Variants in ARHGEF4 observed in about 807,000 individuals in gnomAD.
ARHGEF4 encodes APC-stimulated guanine nucleotide exchange factor 1.
In ARHGEF4, 119 loss-of-function variants were observed where a neutral mutation model predicts 162.0. That is an observed-to-expected ratio of 0.73 (90% confidence interval 0.63 to 0.86). The LOEUF is 0.86. Ranked by LOEUF, ARHGEF4 falls within the 40% of genes least tolerant of loss-of-function variation. The pLI, the probability that ARHGEF4 is intolerant of heterozygous loss-of-function variation, is 0.00. For missense variants in ARHGEF4, 2,488 were observed against 2,456.0 expected (o/e 1.01, Z -0.28); for synonymous variants, 1,014 against 979.9 (o/e 1.03, Z -0.65).
chr2:130,989,670 G>T (rs1686808957), intron 4 of ARHGEF4, among the ~76,000 whole-genome samples: 1 of 152,182 alleles, frequency 6.6e-6, no homozygotes, highest in South Asian at 2.1e-4. Flanking sequence ...TGTGCATTTA[G>T]TCATAGCTGG....
Position 130,931,132 on chromosome 2 carries a change from C to T in ARHGEF4, c.3733C>T (p.Pro1245Ser). 1 of 1,614,152 alleles carries T rather than the reference C, an allele frequency of 6.2e-7. No individual in the cohort carries two copies. The highest frequency in any genetic ancestry group is 8.5e-7 in the Non-Finnish European group (1 of 1,180,018). Reference sequence around the variant, plus strand: ...GGCTCCTTCACAGCCTAGGGGCATCCCTCACCGCTCGCCCGTCAGTGTGGA... The same window carrying T: ...GGCTCCTTCACAGCCTAGGGGCATCTCTCACCGCTCGCCCGTCAGTGTGGA... ...GEAPSQPRGI[P>S]HRSPVSVDDL... is the part of the protein sequence containing the mutation. The change falls in exon 3 of 14, where the codon CCT (proline) becomes TCT (serine). Residue 1245 changes from proline (P) to serine (S), a missense_variant. Pro to Ser is a moderately conservative substitution (Grantham distance 74). This residue lies in a region of ARHGEF4 where 1,642 missense variants were observed against 1,481.5 expected (regional missense o/e 1.11). Coordinates refer to ENST00000409359, the MANE Select transcript of ARHGEF4 (RefSeq NM_001367493.1).
chr2:130,978,608 G>C (rs1685909655), intron 4 of ARHGEF4, among the ~76,000 whole-genome samples: 1 of 152,160 alleles, frequency 6.6e-6, no homozygotes, highest in Non-Finnish European at 1.5e-5. Flanking sequence ...TTTGTGCAAA[G>C]AATTACACAT....
At chr2:130,854,310 A>G (rs1185596905) in intron 1 of ARHGEF4, among the ~76,000 whole-genome samples, 1 of 152,122 alleles carries the variant, frequency 6.6e-6, no homozygotes, top group East Asian at 1.9e-4. Context: ...AGGACAAATA[A>G]CACACATTTA....
chr2:130,974,609 C>G (rs2105230260), intron 4 of ARHGEF4, among the ~76,000 whole-genome samples: 2 of 117,046 alleles, frequency 1.7e-5, no homozygotes, highest in East Asian at 2.9e-4. Context: ...CGCCACCACA[C>G]CCAGCTATTT....
rs1408955658 is a variant in ARHGEF4 at position 130,914,552 on chromosome 2, T to C, written c.606T>C (p.Val202=). Residue 202 remains valine, a synonymous_variant, in exon 2 of 14, where the codon GTT becomes GTC. Transcript: ENST00000409359. ...CTGAGCCAGTACAGGGGGTGGCTGT[T>C]CAAGACCTCAGAGGGCTCTCCAGTG... ...SGPEPVQGVA[V]QDLRGLSSVS... 60 of 1,409,384 alleles carry C rather than the reference T, an allele frequency of 4.3e-5. No homozygotes were observed. The highest frequency in any genetic ancestry group is 5.1e-5 in the Non-Finnish European group (56 of 1,088,002). 87.3% of individuals were successfully genotyped at this position (1,409,384 alleles called of 1,614,324 possible).
At chr2:131,011,580 C>G in intron 4 of ARHGEF4, 1 of 1,501,000 alleles carries the variant, frequency 6.7e-7, no homozygotes, top group Non-Finnish European at 8.9e-7. Flanking sequence ...CTTTGGACAG[C>G]ATTTCATGCT....
chr2:131,039,035 A>G lies in ARHGEF4; in HGVS notation c.4305+3A>G. On this transcript the variant is annotated splice_donor_region_variant and intron_variant, in intron 6 of 13. Transcript: ENST00000409359. ...GGTTTCCAGCCAGCTTCGTTCGGGTATGGTTCCAAGCCCCAGCTTCTCCCA... is the reference window on the plus strand; with the variant it reads ...GGTTTCCAGCCAGCTTCGTTCGGGTGTGGTTCCAAGCCCCAGCTTCTCCCA... 6.2e-7 allele frequency: 1 copy of G among 1,608,522 alleles called. No homozygotes were observed. The highest frequency in any genetic ancestry group is 2.2e-5 in the East Asian group (1 of 44,760).
chr2:130,967,331 G>T (rs1408544464), intron 4 of ARHGEF4, among the ~76,000 whole-genome samples: 4 of 152,108 alleles, frequency 2.6e-5, no homozygotes, highest in Non-Finnish European at 5.9e-5. Flanking sequence ...TTTCTGCCCC[G>T]CTGTTCTCAT....
intron 1 of ARHGEF4, among the ~76,000 whole-genome samples, chr2:130,880,709 AT>A (rs1241494608): frequency 6.6e-6 from 1 of 152,028 alleles, no homozygotes; most frequent in Non-Finnish European, 1.5e-5. Context: ...TAATTTTTAA[AT>A]TTTTTGTGGA....
rs899845341 is a variant in ARHGEF4, at chr2:130,915,193, A to G, written c.1247A>G (p.Gln416Arg). 36 of 1,550,482 alleles carry G rather than the reference A, an allele frequency of 2.3e-5. No homozygotes were observed. Among genetic ancestry groups the G allele is most frequent in the Non-Finnish European group, 3.1e-5 (35 of 1,146,998 alleles). The change falls in exon 2 of 14, where the codon CAG becomes CGG. Residue 416 changes from glutamine (Q) to arginine (R), a missense_variant. Gln to Arg is a conservative substitution (Grantham distance 43). Transcript: ENST00000409359. ...PGGFRLQRAS[Q>R]DTPSAGLLGE... ...GGGTTTCGCTTGCAAAGGGCCTCTC[A>G]GGACACTCCTTCTGCAGGTCTCCTG... is the stretch of plus-strand genomic sequence containing the variant.
In ARHGEF4 at chr2:130,958,512, C is replaced by T. The variant is rs554291124; in HGVS notation, c.3985+11877C>T. 7.9e-5 allele frequency among the ~76,000 whole-genome samples: 12 copies of T among 151,928 alleles called. No individual in the cohort carries two copies. The South Asian group carries it at 1.9e-3, about 24-fold the overall frequency. ...GCAACCTCCGCCCCCCCGATCCGAG[C>T]GATTCTCCCACCTCAACCTCCCAAG... On this transcript the variant is annotated intron_variant, in intron 4 of 13. Transcript: ENST00000409359.
intron 4 of ARHGEF4, among the ~76,000 whole-genome samples, chr2:130,973,134 C>T (rs1402317010): frequency 6.6e-6 from 1 of 152,240 alleles, no homozygotes; most frequent in Non-Finnish European, 1.5e-5. Context: ...CCAATTAAAA[C>T]TGCTGGCCTA....
chr2:130,890,215 C>T (rs1368345954), intron 1 of ARHGEF4, among the ~76,000 whole-genome samples: 1 of 152,196 alleles, frequency 6.6e-6, no homozygotes, highest in Non-Finnish European at 1.5e-5. Flanking sequence ...CCAGTTTAAG[C>T]TGATATTAAA....
At chr2:130,945,161 A>G (rs1005428325) in intron 3 of ARHGEF4, among the ~76,000 whole-genome samples, 15 of 151,914 alleles carry the variant, frequency 9.9e-5, no homozygotes, top group Non-Finnish European at 2.9e-5. Flanking sequence ...CATACACAAC[A>G]TTATGGGATC....
intron 3 of ARHGEF4, among the ~76,000 whole-genome samples, chr2:130,945,715 T>C (rs373681834): frequency 2.1e-4 from 32 of 152,312 alleles, no homozygotes; most frequent in African/African-American, 7.5e-4. Context: ...TACCTGCTGC[T>C]GTTTCCCTCT....
At chr2:131,003,976 A>G (rs553200695) in intron 4 of ARHGEF4, among the ~76,000 whole-genome samples, 1 of 152,328 alleles carries the variant, frequency 6.6e-6, no homozygotes, top group South Asian at 2.1e-4. Flanking sequence ...CAGCAGCCAA[A>G]GGAGCATCTT....
chr2:130,944,820 C>T (rs1000322269), intron 3 of ARHGEF4, among the ~76,000 whole-genome samples: 4 of 152,028 alleles, frequency 2.6e-5, no homozygotes, highest in South Asian at 2.1e-4. Flanking sequence ...AGGTAATTTT[C>T]GATTGTATTC....
At chr2:131,003,761 T>C (rs1258085165) in intron 4 of ARHGEF4, among the ~76,000 whole-genome samples, 3 of 152,212 alleles carry the variant, frequency 2.0e-5, no homozygotes, top group Non-Finnish European at 4.4e-5. Flanking sequence ...AGGGCAAAGA[T>C]GACATCTGAC....
rs926338959 is a variant in ARHGEF4, at chr2:131,046,557, A to C, written c.*368A>C. 5.3e-6 allele frequency: 1 copy of C among 188,096 alleles called. No individual in the cohort carries two copies. The highest frequency in any genetic ancestry group is 1.1e-5 in the Non-Finnish European group (1 of 91,358). The allele number at this position is 188,096 out of a possible 1,614,324, so 11.7% of individuals were successfully genotyped here. A position where few individuals can be genotyped will look rare whatever the true frequency, so the allele number is the denominator to read the frequency against. The stretch of plus-strand genomic sequence containing the variant: ...TGGGACCCTCTTCTCTGGAAACCTA[A>C]TCCTCCTTTCATTTCCTCTGGGCAG... On this transcript the variant is annotated 3_prime_UTR_variant, in exon 14 of 14. Transcript: ENST00000409359.
Sources: allele counts gnomAD v4.1 joint callset (sites outside exome capture counted in the v4.1 genomes callset), GRCh38; gene constraint gnomAD v4.1.1; regional missense constraint gnomAD v4.1.1; transcripts MANE v1.5; gene names NCBI Gene and HGNC (gene_info 2026-07-23, HGNC 2026-07-21).